The following BTAF1 variants were observed in gnomAD, a reference collection of about 807,000 sequenced individuals.
BTAF1 encodes B-TFIID TATA-box binding protein associated factor 1, also known as TATA-binding protein-associated factor 172.
BTAF1 carries 38 observed loss-of-function variants against 227.1 expected under a neutral mutation model. The ratio of observed to expected loss-of-function variants is 0.17; its 90% confidence interval spans 0.13 to 0.22. The LOEUF is 0.22. Ranked by LOEUF, BTAF1 falls within the 10% of genes least tolerant of loss-of-function variation. The probability of loss-of-function intolerance (pLI) is 1.00; values close to 1 mark genes in which losing one functional copy is unlikely to be tolerated. For synonymous variants in BTAF1, 742 were observed against 751.9 expected, an observed-to-expected ratio of 0.99 and a Z score of 0.21; for missense variants, 1,598 against 2,204.0, an observed-to-expected ratio of 0.73 and a Z score of 5.51.
chr10:91,992,808 A>G (rs1380147225), intron 21 of BTAF1, among the ~76,000 whole-genome samples: 1 of 152,204 alleles, frequency 6.6e-6, no homozygotes, highest in African/African-American at 2.4e-5. Flanking sequence ...GTGAGGGTCT[A>G]TTCAGGCTTT....
At chr10:92,024,271 A>G (rs998706059) in intron 34 of BTAF1, among the ~76,000 whole-genome samples, 2 of 152,142 alleles carry the variant, frequency 1.3e-5, no homozygotes, top group African/African-American at 4.8e-5. Context: ...TTCATACATT[A>G]TTGAATAACC....
chr10:92,004,972 C>T (rs1364176593), intron 25 of BTAF1, among the ~76,000 whole-genome samples: 1 of 152,100 alleles, frequency 6.6e-6, no homozygotes, highest in Non-Finnish European at 1.5e-5. Flanking sequence ...TGTGAATATC[C>T]AGTTTTCCCA....
In BTAF1 at chr10:91,994,519, C is replaced by G; in HGVS notation, c.3200-16C>G. ...AAAATTATTTGCCAGATAATACAGA[C>G]AATATATTTTAACAGATGGAAAATC... On this transcript the variant is annotated splice_polypyrimidine_tract_variant and intron_variant, in intron 22 of 37. Transcript: ENST00000265990. 2 of 1,568,312 alleles carry G rather than the reference C, an allele frequency of 1.3e-6. No homozygotes were observed. The highest frequency in any genetic ancestry group is 1.7e-6 in the Non-Finnish European group (2 of 1,143,718).
chr10:91,927,753 A>G (rs1385298919), intron 1 of BTAF1, among the ~76,000 whole-genome samples: 2 of 152,214 alleles, frequency 1.3e-5, no homozygotes, highest in Admixed American at 6.5e-5. Context: ...CACAAGAAAC[A>G]CTGAAAGCCT....
intron 34 of BTAF1, among the ~76,000 whole-genome samples, chr10:92,020,758 G>A (rs1851066900): frequency 6.6e-6 from 1 of 152,130 alleles, no homozygotes; most frequent in Admixed American, 6.5e-5. Flanking sequence ...AACATAGCTA[G>A]TATATTAGGT....
In BTAF1 at chr10:92,011,321, G is replaced by C; in HGVS notation, c.4217G>C (p.Gly1406Ala). Reference protein sequence around the residue: ...IKFNYCILDEGHVIKNGKTKL... With the variant: ...IKFNYCILDEAHVIKNGKTKL... ...TTTAACTACTGCATTCTTGATGAAG[G>C]CCATGTCATCAAAAATGGAAAAACA... is the stretch of plus-strand genomic sequence containing the variant. Residue 1406 changes from glycine (G) to alanine (A), a missense_variant, in exon 30 of 38, where the codon GGC becomes GCC. Physicochemically the swap from Gly to Ala is moderately conservative, Grantham distance 60. Transcript: ENST00000265990. 2.0e-6 allele frequency: 3 copies of C among 1,489,894 alleles called. No individual in the cohort carries two copies. The highest frequency in any genetic ancestry group is 2.7e-6 in the Non-Finnish European group (3 of 1,119,752). The allele number at this position is 1,489,894 out of a possible 1,614,324, so 92.3% of individuals were successfully genotyped here.
At chr10:91,981,555 A>C (rs1485936516) in intron 15 of BTAF1, 88 bp from the exon 16 acceptor site, 1 of 1,355,150 alleles carries the variant, frequency 7.4e-7, no homozygotes, top group East Asian at 2.4e-5. Context: ...TTTCCTACTT[A>C]AAAAAACCTC....
At chr10:92,023,003 T>C (rs933914332) in intron 34 of BTAF1, among the ~76,000 whole-genome samples, 8 of 152,178 alleles carry the variant, frequency 5.3e-5, no homozygotes, top group Non-Finnish European at 8.8e-5. Flanking sequence ...TGAAATGTTG[T>C]CTACCAGGGA....
At chr10:92,025,731 C>T (rs1000381500) in intron 35 of BTAF1, among the ~76,000 whole-genome samples, 25 of 148,366 alleles carry the variant, frequency 1.7e-4, no homozygotes, top group African/African-American at 5.6e-4. Context: ...GACTTGAACC[C>T]GAGAGGCAGA....
Position 92,031,141 on chromosome 10 carries a change from T to C in BTAF1, c.*2208T>C, listed in dbSNP as rs2134206413. 1.3e-5 allele frequency among the ~76,000 whole-genome samples: 2 copies of C among 152,318 alleles called. No homozygotes were observed. Among genetic ancestry groups the C allele is most frequent in the South Asian group, 4.1e-4 (2 of 4,824 alleles). On this transcript the variant is annotated 3_prime_UTR_variant, in exon 38 of 38. Transcript: ENST00000265990. ...TCCCTTGGTTTTTGTGTCTTTATGA[T>C]AGGAAATAGCAAACTGTTAAAAATA...
Position 92,026,746 on chromosome 10 carries a change from G to A in BTAF1, c.5230G>A (p.Gly1744Arg). 6.2e-7 allele frequency: 1 copy of A among 1,611,672 alleles called. No homozygotes were observed. Among genetic ancestry groups the A allele is most frequent in the Non-Finnish European group, 8.5e-7 (1 of 1,179,034 alleles). The change falls in exon 36 of 38, where the codon GGG becomes AGG. Residue 1744 changes from glycine (G) to arginine (R), a missense_variant. By Grantham distance (125) the Gly-to-Arg change is moderately radical. This residue lies in a region of BTAF1 where 20 missense variants were observed against 56.8 expected (regional missense o/e 0.35). Coordinates refer to ENST00000265990, the MANE Select transcript of BTAF1 (RefSeq NM_003972.3). ...AGCCATGGACCGGGCCCATCGCATTGGGCAGGTAAAAGTCAATTTTACCTC... is the reference window on the plus strand; with the variant it reads ...AGCCATGGACCGGGCCCATCGCATTAGGCAGGTAAAAGTCAATTTTACCTC... ...LQAMDRAHRI[G>R]QKRVVNVYRL...
chr10:91,986,265 A>T (rs1317976713), intron 19 of BTAF1, among the ~76,000 whole-genome samples: 2 of 152,172 alleles, frequency 1.3e-5, no homozygotes, highest in Non-Finnish European at 2.9e-5. Flanking sequence ...CTGAAGTTAT[A>T]TAAGTATGCT....
At chr10:92,007,733 TGAAAAG>T (rs945789863) in intron 25 of BTAF1, among the ~76,000 whole-genome samples, 5 of 152,224 alleles carry the variant, frequency 3.3e-5, no homozygotes, top group African/African-American at 9.7e-5. Context: ...ATGAAATAGT[TGAAAAG>T]GTCTTAGAGA....
chr10:92,019,444 A>G (rs1382432423), intron 34 of BTAF1, among the ~76,000 whole-genome samples: 2 of 152,194 alleles, frequency 1.3e-5, no homozygotes, highest in African/African-American at 2.4e-5. Context: ...CCTTTTGGCT[A>G]TTATGAATAA....
At position 91,992,317 on chromosome 10, in the gene BTAF1, G is replaced by GTTTTTT; in HGVS notation, c.3045+18_3045+23dup. ...CTTGTTGAACTTGATGAGGTAAGTA[G>GTTTTTT]TTTTTTTTTTTTTTTAATGCTTTGA... On this transcript the variant is annotated intron_variant, in intron 21 of 37. Transcript: ENST00000265990. The GTTTTTT allele has an allele frequency of 7.1e-7, 1 of 1,406,718 alleles. No homozygotes were observed. Among genetic ancestry groups the GTTTTTT allele is most frequent in the Non-Finnish European group, 9.5e-7 (1 of 1,053,050 alleles). 87.1% of individuals were successfully genotyped at this position (1,406,718 alleles called of 1,614,324 possible).
intron 36 of BTAF1, 124 bp from the exon 37 acceptor site, chr10:92,027,006 G>C: frequency 9.2e-7 from 1 of 1,086,886 alleles, no homozygotes; most frequent in Non-Finnish European, 1.3e-6. Context: ...CATGTGGCCA[G>C]ACAAAATAAA....
At position 91,929,423 on chromosome 10, in the gene BTAF1, GT is replaced by G. The variant is rs1440062698; in HGVS notation, c.14+5335del. Reference sequence around the variant, plus strand: ...CTCACATATCTTTGCATTTGAAAATGTTACAGTGTTCAGAAAGGGTTCAGAA... The same window carrying G: ...CTCACATATCTTTGCATTTGAAAATGTACAGTGTTCAGAAAGGGTTCAGAA... On this transcript the variant is annotated intron_variant, in intron 1 of 37. Coordinates refer to ENST00000265990, the MANE Select transcript of BTAF1 (RefSeq NM_003972.3). 2.6e-5 allele frequency among the ~76,000 whole-genome samples: 4 copies of G among 152,284 alleles called. No individual in the cohort carries two copies. In the East Asian group the frequency reaches 7.7e-4, roughly 29 times the overall value.
intron 14 of BTAF1, among the ~76,000 whole-genome samples, chr10:91,969,477 A>G (rs1438970629): frequency 6.6e-6 from 1 of 152,146 alleles, no homozygotes; most frequent in Non-Finnish European, 1.5e-5. Flanking sequence ...ACTGTTTATT[A>G]TAGCATACTG....
Position 92,028,861 on chromosome 10 carries a change from G to C in BTAF1, c.5478G>C (p.Leu1826=). 1 of 1,609,116 alleles carries C rather than the reference G, an allele frequency of 6.2e-7. No individual in the cohort carries two copies. Among genetic ancestry groups the C allele is most frequent in the South Asian group, 1.1e-5 (1 of 90,032 alleles). ...GTATGAAATCAATTCTTGAAAACCT[G>C]AGTGATCTTTGGGATCAAGAGCAGT... ...KASMKSILEN[L]SDLWDQEQYD... is the part of the protein sequence containing the mutation. Residue 1826 remains leucine (L), a synonymous_variant, in exon 38 of 38, where the codon CTG becomes CTC. Coordinates refer to ENST00000265990, the MANE Select transcript of BTAF1 (RefSeq NM_003972.3).
Sources: gnomAD v4.1 joint callset for allele counts (sites outside exome capture counted in the v4.1 genomes callset) on GRCh38, gnomAD v4.1.1 for gene constraint, gnomAD v4.1.1 regional missense constraint, MANE v1.5 for transcripts, NCBI Gene and HGNC (gene_info 2026-07-23, HGNC 2026-07-21) for gene names.